Variants in ATAD3B observed in about 807,000 individuals in gnomAD.
ATAD3B encodes the protein ATPase family AAA domain containing 3B, also known as ATPase family AAA domain-containing protein 3B.
ATAD3B carries 59 observed loss-of-function variants against 70.2 expected under a neutral mutation model. That is an observed-to-expected ratio of 0.84 (90% CI 0.68 to 1.04). The LOEUF is 1.04. Among genes scored for constraint, ATAD3B ranks in the 50% least tolerant of loss-of-function variants. ATAD3B has a pLI of 0.00. For synonymous variants in ATAD3B, 423 were observed against 388.6 expected (o/e 1.09, Z -1.04); for missense variants, 961 against 913.4 (o/e 1.05, Z -0.67).
rs1241184473 is a variant in ATAD3B at position 1,485,113 on chromosome 1, C to T, written c.848C>T (p.Ser283Phe). ...ATCGAGGCTCGGCTGGGGAAGCCGT[C>T]CCTAGTGAGGGAGACGTCCCGCATC... ...RFIEARLGKP[S>F]LVRETSRITV... The change falls in exon 8 of 16, where the codon TCC becomes TTC. Residue 283 changes from serine to phenylalanine, a missense_variant. Ser to Phe is a radical substitution (Grantham distance 155, BLOSUM62 -2). Around this residue, in one of 4 missense-constraint regions of ATAD3B, gnomAD observed 349 missense variants for 307.5 expected, o/e 1.14. Coordinates refer to ENST00000673477, the MANE Select transcript of ATAD3B (RefSeq NM_031921.6). 2.5e-6 allele frequency: 4 copies of T among 1,610,354 alleles called. No individual in the cohort carries two copies. Among genetic ancestry groups the T allele is most frequent in the Non-Finnish European group, 3.4e-6 (4 of 1,179,274 alleles).
At chr1:1,490,064 C>A in intron 13 of ATAD3B, 193 bp from the exon 14 acceptor site, 3 of 1,415,068 alleles carry the variant, frequency 2.1e-6, no homozygotes, top group Non-Finnish European at 2.8e-6. Context: ...GGGCGGGGGG[C>A]AGCTGGGCGT....
the ATAD3B span, among the ~76,000 whole-genome samples, chr1:1,505,327 T>C: frequency 1.3e-5 from 2 of 152,084 alleles, no homozygotes; most frequent in Admixed American, 6.5e-5. Flanking sequence ...TTTAGTACTT[T>C]CACTAATTTT....
At chr1:1,499,687 G>A (rs368847531), downstream of ATAD3B, among the ~76,000 whole-genome samples, 18 of 144,570 alleles carry the variant, frequency 1.2e-4, no homozygotes, top group African/African-American at 4.4e-4. Context: ...TCCGCCTGCC[G>A]GGTTCAAGCG....
chr1:1,478,298 AC>A, intron 2 of ATAD3B: 1 of 948,892 alleles, frequency 1.1e-6, no homozygotes, highest in Middle Eastern at 3.4e-4. Context: ...CGCCCGGCCC[AC>A]TCAGCAGGAT....
chr1:1,487,733 G>A, intron 11 of ATAD3B, 130 bp from the exon 12 acceptor site: 1 of 1,162,252 alleles, frequency 8.6e-7, no homozygotes, highest in Non-Finnish European at 1.3e-6. Flanking sequence ...CAGGACTTAG[G>A]GCTCCTGATG....
intron 9 of ATAD3B, 73 bp downstream of exon 9, chr1:1,485,911 C>T (rs1640186568): frequency 6.2e-7 from 1 of 1,609,514 alleles, no homozygotes; most frequent in South Asian, 1.1e-5. Flanking sequence ...GTGGCCCTTG[C>T]TAGCGCTCGT....
chr1:1,472,381 T>TA (rs1639377315), intron 1 of ATAD3B, among the ~76,000 whole-genome samples: 1 of 151,934 alleles, frequency 6.6e-6, no homozygotes, highest in Non-Finnish European at 1.5e-5. Context: ...GGTCTTCAGT[T>TA]ACCGCCGAGC....
At chr1:1,498,880 T>C (rs1201925927), downstream of ATAD3B, among the ~76,000 whole-genome samples, 1 of 151,908 alleles carries the variant, frequency 6.6e-6, no homozygotes, top group Non-Finnish European at 1.5e-5. Context: ...GGGCGTCTCA[T>C]AGCTGGAGCA....
chr1:1,501,930 G>A (rs1296614906), downstream of ATAD3B, among the ~76,000 whole-genome samples: 1 of 151,984 alleles, frequency 6.6e-6, no homozygotes, highest in East Asian at 1.9e-4. Flanking sequence ...CGAGGCTGGA[G>A]TATAGTGTCA....
At position 1,489,263 on chromosome 1, in the gene ATAD3B, A is replaced by G. The variant is rs138396681; in HGVS notation, c.1326A>G (p.Gln442=). 2.6e-4 allele frequency: 423 copies of G among 1,613,490 alleles called. 4 individuals are homozygous for G. The highest frequency in any genetic ancestry group is 5.1e-4 in the African/African-American group (38 of 75,040). ...ACGCCTTCCTGTACCACATGGGCCA[A>G]CACAGCAACAAGTGAGGGAGCCCCT... ...TLNAFLYHMG[Q]HSNKFMLVLA... The change falls in exon 13 of 16, where the codon CAA becomes CAG. Residue 442 remains glutamine (Q), a synonymous_variant. Transcript: ENST00000673477.
At position 1,487,618 on chromosome 1, in the gene ATAD3B, C is replaced by T. The variant is rs1446132163; in HGVS notation, c.1215-245C>T. 7.2e-5 allele frequency among the ~76,000 whole-genome samples: 11 copies of T among 151,904 alleles called. 1 individual carries two copies. The highest frequency in any genetic ancestry group is 6.6e-4 in the Admixed American group (10 of 15,194). On this transcript the variant is annotated intron_variant, in intron 11 of 15. Transcript: ENST00000673477. ...TTGGCTGGTGTGTGGGTGAAACCTG[C>T]AGGGCAGAGTCTGTTGCCCCCTGTG... is the stretch of plus-strand genomic sequence containing the variant.
Position 1,496,094 on chromosome 1 carries a change from G to A in ATAD3B, c.*277G>A, listed in dbSNP as rs1418038945. On this transcript the variant is annotated 3_prime_UTR_variant, in exon 16 of 16. Transcript: ENST00000673477. ...AACCCTGCTTCCAGCCATGGCCAGGGGCCACGGAACCCGGCAGGGGTGTCT... is the reference window on the plus strand; with the variant it reads ...AACCCTGCTTCCAGCCATGGCCAGGAGCCACGGAACCCGGCAGGGGTGTCT... 1 of 1,203,930 alleles carries A rather than the reference G, an allele frequency of 8.3e-7. No homozygotes were observed. The highest frequency in any genetic ancestry group is 1.0e-6 in the Non-Finnish European group (1 of 966,006). 74.6% of individuals were successfully genotyped at this position (1,203,930 alleles called of 1,614,324 possible). A position where few individuals can be genotyped will look rare whatever the true frequency, so the allele number is the denominator to read the frequency against.
downstream of ATAD3B, among the ~76,000 whole-genome samples, chr1:1,501,557 A>AT (rs1229359128): frequency 4.0e-5 from 6 of 151,666 alleles, no homozygotes; most frequent in African/African-American, 1.5e-4. Context: ...GCCCGGCCTA[A>AT]TTTTTGTATT....
At chr1:1,502,925 A>T in the ATAD3B span, among the ~76,000 whole-genome samples, 2,231 of 151,188 alleles carry the variant, frequency 0.015, 61 homozygotes, top group African/African-American at 0.051. Flanking sequence ...TATATATATA[A>T]ATGTATAAGC....
chr1:1,490,148 C>A, intron 13 of ATAD3B, 109 bp from the exon 14 acceptor site: 2 of 1,505,808 alleles, frequency 1.3e-6, no homozygotes, highest in Non-Finnish European at 1.8e-6. Context: ...CAAGCTGCCG[C>A]TTTAGATTCT....
downstream of ATAD3B, among the ~76,000 whole-genome samples, chr1:1,500,509 G>A (rs1382487207): frequency 2.8e-5 from 4 of 141,504 alleles, no homozygotes; most frequent in African/African-American, 1.0e-4. Context: ...TCGAGATTGC[G>A]CCACTGCCCT....
intron 2 of ATAD3B, among the ~76,000 whole-genome samples, chr1:1,477,635 C>G (rs1448235402): frequency 6.6e-6 from 1 of 151,822 alleles, no homozygotes; most frequent in Non-Finnish European, 1.5e-5. Flanking sequence ...GGGAGGGGGT[C>G]TTCTTCACAT....
At chr1:1,492,939 CAAAA>C (rs113321433) in intron 15 of ATAD3B, among the ~76,000 whole-genome samples, 2 of 126,842 alleles carry the variant, frequency 1.6e-5, no homozygotes, top group African/African-American at 5.6e-5. Flanking sequence ...ACTCCATCTC[CAAAA>C]AAAAAAAAAA....
Position 1,482,554 on chromosome 1 carries a change from C to T in ATAD3B, c.690C>T (p.Gly230=). Reference sequence around the variant, plus strand: ...ACTGCTTTCCCCGCAGGACGGCTGGCACCTTGTTTGGGGAAGGATTCCGTG... The same window carrying T: ...ACTGCTTTCCCCGCAGGACGGCTGGTACCTTGTTTGGGGAAGGATTCCGTG... The part of the protein sequence containing the change: ...QTVLESIRTA[G]TLFGEGFRAF... The change falls in exon 7 of 16, where the codon GGC becomes GGT. Residue 230 remains glycine, a synonymous_variant. Transcript: ENST00000673477. The T allele has an allele frequency of 1.2e-6, 2 of 1,613,374 alleles. No homozygotes were observed. Among genetic ancestry groups the T allele is most frequent in the Non-Finnish European group, 1.7e-6 (2 of 1,179,546 alleles).
Sources: gnomAD v4.1 joint callset for allele counts (sites outside exome capture counted in the v4.1 genomes callset) on GRCh38, gnomAD v4.1.1 for gene constraint, gnomAD v4.1.1 regional missense constraint, MANE v1.5 for transcripts, NCBI Gene and HGNC (gene_info 2026-07-23, HGNC 2026-07-21) for gene names.